The following POLR3G variants were observed in gnomAD, a reference collection of about 807,000 sequenced individuals.
POLR3G encodes DNA-directed RNA polymerase III subunit RPC7.
Under a neutral mutation model 30.1 loss-of-function variants are expected in POLR3G, and 28 were observed. The ratio of observed to expected loss-of-function variants is 0.93; its 90% CI spans 0.69 to 1.27. The LOEUF is 1.27. Among genes scored for constraint, POLR3G ranks in the 50% most tolerant of loss-of-function variants. The pLI is 0.00. For missense variants in POLR3G, 254 were observed against 264.6 expected, an observed-to-expected ratio of 0.96 and a Z score of 0.28; for synonymous variants, 79 against 82.5, an observed-to-expected ratio of 0.96 and a Z score of 0.23.
At chr5:90,495,198 A>G (rs1231008041) in intron 3 of POLR3G, among the ~76,000 whole-genome samples, 1 of 152,202 alleles carries the variant, frequency 6.6e-6, no homozygotes. Context: ...CTTGATTTTT[A>G]TCCATTCATC....
chr5:90,500,372 A>G (rs901889595), intron 5 of POLR3G, among the ~76,000 whole-genome samples: 1 of 152,128 alleles, frequency 6.6e-6, no homozygotes, highest in African/African-American at 2.4e-5. Context: ...AAAAAAAAAT[A>G]AGTTTACTTA....
At chr5:90,508,801 A>G (rs948464714) in intron 7 of POLR3G, among the ~76,000 whole-genome samples, 2 of 152,038 alleles carry the variant, frequency 1.3e-5, no homozygotes, top group African/African-American at 2.4e-5. Flanking sequence ...GCAGTGGCTC[A>G]CTCTGTAATC....
At chr5:90,485,707 T>G (rs1751405988) in intron 2 of POLR3G, 23 bp downstream of exon 2, 1 of 1,519,642 alleles carries the variant, frequency 6.6e-7, no homozygotes, top group Non-Finnish European at 9.1e-7. Context: ...ACAGTTGAAT[T>G]CTCATAGTGT....
chr5:90,505,509 ATTCC>A (rs1169036337), intron 6 of POLR3G, among the ~76,000 whole-genome samples: 1 of 152,236 alleles, frequency 6.6e-6, no homozygotes, highest in African/African-American at 2.4e-5. Context: ...TTTGTGTACT[ATTCC>A]CTGATGGTTC....
At chr5:90,507,834 C>T (rs1427651016) in intron 7 of POLR3G, among the ~76,000 whole-genome samples, 1 of 152,026 alleles carries the variant, frequency 6.6e-6, no homozygotes, top group African/African-American at 2.4e-5. Context: ...TTTTTATTTC[C>T]ATTGCTCTCT....
intron 7 of POLR3G, among the ~76,000 whole-genome samples, chr5:90,508,414 A>G (rs894192275): frequency 4.0e-5 from 6 of 151,566 alleles, no homozygotes; most frequent in African/African-American, 1.5e-4. Context: ...ATAGTCCTCC[A>G]GTCATTTCCC....
intron 5 of POLR3G, among the ~76,000 whole-genome samples, chr5:90,500,605 G>C (rs1186294910): frequency 6.6e-6 from 1 of 151,820 alleles, no homozygotes; most frequent in East Asian, 1.9e-4. Flanking sequence ...CCCTCGAGGG[G>C]GTCAGAGAAA....
intron 6 of POLR3G, among the ~76,000 whole-genome samples, chr5:90,506,121 C>A (rs1752473797): frequency 2.6e-5 from 4 of 151,918 alleles, no homozygotes; most frequent in Admixed American, 6.6e-5. Flanking sequence ...CCCAGCTACG[C>A]AGGAAGCTCA....
At chr5:90,502,226 T>C in intron 6 of POLR3G, 1 of 984,574 alleles carries the variant, frequency 1.0e-6, no homozygotes, top group Non-Finnish European at 1.2e-6. Context: ...TTCTGTCACC[T>C]CTTTCTTTTT....
chr5:90,505,296 G>GACTT (rs1247510531), intron 6 of POLR3G, among the ~76,000 whole-genome samples: 1 of 152,114 alleles, frequency 6.6e-6, no homozygotes, highest in Non-Finnish European at 1.5e-5. Flanking sequence ...TAGCTGAGGT[G>GACTT]ACTTATGCCT....
At chr5:90,508,957 A>C (rs923377224) in intron 7 of POLR3G, among the ~76,000 whole-genome samples, 10 of 152,166 alleles carry the variant, frequency 6.6e-5, no homozygotes, top group African/African-American at 2.4e-4. Context: ...ACTACTTGGG[A>C]GGCTGAGGCA....
chr5:90,492,804 C>T (rs1485496598), intron 3 of POLR3G, among the ~76,000 whole-genome samples: 2 of 134,156 alleles, frequency 1.5e-5, no homozygotes, highest in Non-Finnish European at 3.2e-5. Flanking sequence ...GTGGAGTCAA[C>T]CTGGGAGTGA....
chr5:90,480,839 A>G (rs1344344650), intron 1 of POLR3G, among the ~76,000 whole-genome samples: 2 of 152,150 alleles, frequency 1.3e-5, no homozygotes, highest in African/African-American at 4.8e-5. Flanking sequence ...TCTTAGAGTG[A>G]AAGGTGTGAC....
intron 5 of POLR3G, among the ~76,000 whole-genome samples, chr5:90,498,341 G>A (rs1459214509): frequency 6.6e-6 from 1 of 151,822 alleles, no homozygotes; most frequent in Non-Finnish European, 1.5e-5. Flanking sequence ...GGGTACATGT[G>A]CAGGTTTGTT....
rs1324550526 is a variant in POLR3G, at chr5:90,496,370, G to A, written c.304+637G>A. Among the ~76,000 whole-genome samples, 10 of 152,262 alleles carry A rather than the reference G, an allele frequency of 6.6e-5. No individual in the cohort carries two copies. The East Asian group carries it at 1.9e-3, about 29-fold the overall frequency. On this transcript the variant is annotated intron_variant, in intron 4 of 7. Transcript: ENST00000651687. Reference sequence around the variant, plus strand: ...CAATTTTAATTTGTAATACCAGAAAGCACAAATACTATGCTCCTGAGCAAT... The same window carrying A: ...CAATTTTAATTTGTAATACCAGAAAACACAAATACTATGCTCCTGAGCAAT...
In POLR3G at chr5:90,513,961, C is replaced by T. The variant is rs1192971834; in HGVS notation, c.*1822C>T. The T allele has an allele frequency of 6.6e-6, 1 of 152,210 alleles. No individual in the cohort carries two copies. Among genetic ancestry groups the T allele is most frequent in the Admixed American group, 6.5e-5 (1 of 15,284 alleles). 9.4% of individuals were successfully genotyped at this position (152,210 alleles called of 1,614,324 possible). The stretch of plus-strand genomic sequence containing the variant: ...TTGTTCTATTTACCTACTTATAAAT[C>T]TGCAGATAACCACTTGAACCAGGCA... On this transcript the variant is annotated 3_prime_UTR_variant, in exon 8 of 8. Coordinates refer to ENST00000651687, the MANE Select transcript of POLR3G (RefSeq NM_006467.3).
chr5:90,502,323 CTT>C (rs1487073442), intron 6 of POLR3G: 1 of 943,604 alleles, frequency 1.1e-6, no homozygotes, highest in Non-Finnish European at 1.3e-6. Context: ...ATATGTAACT[CTT>C]TTAAAAACCT....
chr5:90,490,243 A>G (rs1330693997), intron 3 of POLR3G, among the ~76,000 whole-genome samples: 5 of 150,624 alleles, frequency 3.3e-5, no homozygotes, highest in African/African-American at 1.2e-4. Flanking sequence ...ATCTTTGATA[A>G]CTATGCAATA....
At chr5:90,474,436 C>CG, upstream of POLR3G, 3 of 732,776 alleles carry the variant, frequency 4.1e-6, no homozygotes, top group Non-Finnish European at 4.5e-6. Context: ...GCGTGGGATG[C>CG]GGGGGTCGGA....
Sources: allele counts gnomAD v4.1 joint callset (sites outside exome capture counted in the v4.1 genomes callset), GRCh38; gene constraint gnomAD v4.1.1; transcripts MANE v1.5; gene names NCBI Gene and HGNC (gene_info 2026-07-23, HGNC 2026-07-21).